TK2: variants seen among roughly 807,000 people sequenced by gnomAD.
TK2 encodes the protein thymidine kinase 2, mitochondrial.
Under a neutral mutation model 41.9 loss-of-function variants are expected in TK2, and 35 were observed. That is an observed-to-expected ratio of 0.84 (90% CI 0.64 to 1.11). The LOEUF is 1.11. Ranked by LOEUF, TK2 falls within the 50% of genes least tolerant of loss-of-function variation. The pLI is 0.00. For missense variants in TK2, 320 were observed against 351.1 expected (o/e 0.91, Z 0.71); for synonymous variants, 128 against 129.1 (o/e 0.99, Z 0.06).
At chr16:66,549,798 C>T in intron 1 of TK2, 140 bp downstream of exon 1, 2 of 1,287,030 alleles carry the variant, frequency 1.6e-6, no homozygotes, top group Non-Finnish European at 2.0e-6. Flanking sequence ...GATGGCCGCC[C>T]CCGTCCCAGC....
At chr16:66,512,127 A>T in intron 9 of TK2, 61 bp from the exon 10 acceptor site, 1 of 1,418,528 alleles carries the variant, frequency 7.0e-7, no homozygotes, top group Non-Finnish European at 1.0e-6. Context: ...CTCCTTTCAC[A>T]GCTGGAGACA....
chr16:66,529,052 A>G lies in TK2; in HGVS notation c.391T>C (p.Leu131=). 1 of 1,614,082 alleles carries G rather than the reference A, an allele frequency of 6.2e-7. No homozygotes were observed. Among genetic ancestry groups the G allele is most frequent in the Non-Finnish European group, 8.5e-7 (1 of 1,180,016 alleles). The change falls in exon 6 of 10, where the codon TTG becomes CTG. Residue 131 remains leucine (L), a synonymous_variant. Coordinates refer to ENST00000544898, the MANE Select transcript of TK2 (RefSeq NM_004614.5). ...HTRPQVSSVR[L]MERSIHSARY... ...GCGCTGTGAATCGACCTCTCCATCA[A>G]CCGTACAGATGACACCTAAAGGAAA...
chr16:66,527,851 G>A (rs1196423819), intron 6 of TK2, among the ~76,000 whole-genome samples: 2 of 152,036 alleles, frequency 1.3e-5, no homozygotes, highest in Non-Finnish European at 2.9e-5. Context: ...GCAATATGAC[G>A]AAATCCTGCC....
At chr16:66,515,670 C>T (rs1018185636) in intron 8 of TK2, among the ~76,000 whole-genome samples, 24 of 152,256 alleles carry the variant, frequency 1.6e-4, no homozygotes, top group African/African-American at 5.3e-4. Context: ...ACGGCTTGGA[C>T]GGCCCCCAGG....
At chr16:66,513,670 A>C (rs1597073868) in intron 9 of TK2, 61 bp downstream of exon 9, 11 of 1,521,196 alleles carry the variant, frequency 7.2e-6, no homozygotes, top group Admixed American at 3.4e-5. Flanking sequence ...GGTGGCTGAC[A>C]TTCCCCGGGT....
intron 1 of TK2, 170 bp from the exon 2 acceptor site, chr16:66,549,179 G>C: frequency 2.7e-6 from 4 of 1,478,680 alleles, no homozygotes; most frequent in Non-Finnish European, 3.6e-6. Context: ...CCGTCTCGCC[G>C]ATGTGCCACC....
In TK2 at chr16:66,517,357, C is replaced by G; in HGVS notation, c.539-142G>C. 7.7e-6 allele frequency: 6 copies of G among 783,742 alleles called. No homozygotes were observed. The highest frequency in any genetic ancestry group is 1.1e-5 in the Non-Finnish European group (5 of 437,058). The allele number at this position is 783,742 out of a possible 1,614,324, so 48.5% of individuals were successfully genotyped here. On this transcript the variant is annotated intron_variant, in intron 7 of 9. Coordinates refer to ENST00000544898, the MANE Select transcript of TK2 (RefSeq NM_004614.5). This position sits in a 1 kb window ranked among gnomAD's most constrained non-coding sequence, Gnocchi z 4.3. ...CCAGCTCTTGGCTTGACCACTGACCCTCCGCCTCGACTTTCATTCTCTTTC... is the reference window on the plus strand; with the variant it reads ...CCAGCTCTTGGCTTGACCACTGACCGTCCGCCTCGACTTTCATTCTCTTTC...
intron 6 of TK2, among the ~76,000 whole-genome samples, chr16:66,527,656 T>C (rs916501061): frequency 6.6e-6 from 1 of 152,204 alleles, no homozygotes; most frequent in African/African-American, 2.4e-5. Flanking sequence ...ACTGCCATTT[T>C]TGTAGGTCAT....
Position 66,510,188 on chromosome 16 carries a change from C to T in TK2, c.*1780G>A, listed in dbSNP as rs1964408671. ...AAATCATGGGTACGTGGTCTCAGGACCTCTTGAGATTGTGCCTTAGGCAAA... is the reference window on the plus strand; with the variant it reads ...AAATCATGGGTACGTGGTCTCAGGATCTCTTGAGATTGTGCCTTAGGCAAA... On this transcript the variant is annotated 3_prime_UTR_variant, in exon 10 of 10. Coordinates refer to ENST00000544898, the MANE Select transcript of TK2 (RefSeq NM_004614.5). 6.8e-6 allele frequency: 1 copy of T among 146,278 alleles called. No homozygotes were observed. The highest frequency in any genetic ancestry group is 1.5e-5 in the Non-Finnish European group (1 of 67,226). 9.1% of individuals were successfully genotyped at this position (146,278 alleles called of 1,614,324 possible). A position where few individuals can be genotyped will look rare whatever the true frequency, so the allele number is the denominator to read the frequency against.
intron 3 of TK2, among the ~76,000 whole-genome samples, chr16:66,538,868 G>A (rs1228965886): frequency 6.6e-6 from 1 of 152,112 alleles, no homozygotes; most frequent in Non-Finnish European, 1.5e-5. Context: ...AGACAGCCTG[G>A]GCTGGGATCT....
chr16:66,533,907 C>A (rs964370610), intron 4 of TK2, among the ~76,000 whole-genome samples: 1 of 148,646 alleles, frequency 6.7e-6, no homozygotes, highest in Non-Finnish European at 1.5e-5. Flanking sequence ...ACTCGGGAGG[C>A]TGAGGCAGGA....
intron 4 of TK2, 75 bp downstream of exon 4, chr16:66,536,889 G>T (rs562493992): frequency 2.8e-5 from 44 of 1,564,898 alleles, no homozygotes; most frequent in Non-Finnish European, 3.9e-5. Flanking sequence ...GGCAGGCAGG[G>T]CTCAGGCAGA....
rs1030497212 is a variant in TK2, at chr16:66,510,752, C to G, written c.*1216G>C. 6.6e-6 allele frequency: 1 copy of G among 152,202 alleles called. No individual in the cohort carries two copies. The highest frequency in any genetic ancestry group is 2.4e-5 in the African/African-American group (1 of 41,450). The allele number at this position is 152,202 out of a possible 1,614,324, so 9.4% of individuals were successfully genotyped here. A position where few individuals can be genotyped will look rare whatever the true frequency, so the allele number is the denominator to read the frequency against. On this transcript the variant is annotated 3_prime_UTR_variant, in exon 10 of 10. Coordinates refer to ENST00000544898, the MANE Select transcript of TK2 (RefSeq NM_004614.5). ...AAAGCTTCAGGACCAGCAATGCTTC[C>G]AGAGCCTTTATTTGCAAATCCCAAC...
intron 6 of TK2, among the ~76,000 whole-genome samples, chr16:66,523,904 G>A (rs778047957): frequency 4.6e-5 from 7 of 152,164 alleles, no homozygotes; most frequent in Non-Finnish European, 7.4e-5. Flanking sequence ...GTGGATGACC[G>A]CTCCATCGAG....
At chr16:66,512,116 C>A (rs1964469510) in intron 9 of TK2, 50 bp from the exon 10 acceptor site, 1 of 1,489,982 alleles carries the variant, frequency 6.7e-7, no homozygotes, top group Admixed American at 1.7e-5. Flanking sequence ...TCAGCAGCAT[C>A]CTCCTTTCAC....
intron 9 of TK2, among the ~76,000 whole-genome samples, chr16:66,513,206 C>A (rs1217329446): frequency 1.3e-5 from 2 of 152,136 alleles, no homozygotes; most frequent in African/African-American, 4.8e-5. Flanking sequence ...CACATGGCAG[C>A]AAGAGAAAGG....
chr16:66,513,736 C>G lies in TK2; in HGVS notation c.694G>C (p.Val232Leu), dbSNP rs576020835. 2.7e-5 allele frequency: 43 copies of G among 1,614,022 alleles called. No homozygotes were observed. In the African/African-American group the frequency reaches 4.0e-4, roughly 15 times the overall value. The change falls in exon 9 of 10, where the codon GTT (valine) becomes CTT (leucine). Residue 232 changes from valine to leucine, a missense_variant. Coordinates refer to ENST00000544898, the MANE Select transcript of TK2 (RefSeq NM_004614.5). ...KGSLFPMAAP[V>L]LVIEADHHME... ...TGTAAGGGAGTCTTACTTACCAGAACAGGGGCTGCCATGGGGAAAAGGCTG... is the reference window on the plus strand; with the variant it reads ...TGTAAGGGAGTCTTACTTACCAGAAGAGGGGCTGCCATGGGGAAAAGGCTG...
At chr16:66,532,244 T>G (rs1348701203) in intron 4 of TK2, among the ~76,000 whole-genome samples, 1 of 150,732 alleles carries the variant, frequency 6.6e-6, no homozygotes, top group African/African-American at 2.4e-5. Flanking sequence ...AGCATGTATA[T>G]ACACCAACAG....
intron 4 of TK2, among the ~76,000 whole-genome samples, chr16:66,534,754 T>C (rs1232880385): frequency 6.6e-6 from 1 of 152,230 alleles, no homozygotes; most frequent in Non-Finnish European, 1.5e-5. Context: ...ACTCAATCAC[T>C]CTCCATCCCT....
Sources: gnomAD v4.1 joint callset for allele counts (sites outside exome capture counted in the v4.1 genomes callset) on GRCh38, gnomAD v4.1.1 for gene constraint, Gnocchi (gnomAD v3.1) non-coding constraint, MANE v1.5 for transcripts, NCBI Gene and HGNC (gene_info 2026-07-23, HGNC 2026-07-21) for gene names.